LRBA: variants seen among roughly 807,000 people sequenced by gnomAD.
LRBA encodes the protein LPS responsive beige-like anchor protein.
Under a neutral mutation model 330.0 loss-of-function variants are expected in LRBA, and 176 were observed. The observed-to-expected ratio is 0.53, with a 90% CI of 0.47 to 0.60. The LOEUF (loss-of-function observed/expected upper bound fraction) is 0.60. Among genes scored for constraint, LRBA ranks in the 20% least tolerant of loss-of-function variants. The pLI is 0.00. For missense variants in LRBA, 3,259 were observed against 3,444.8 expected (o/e 0.95, Z 1.35); for synonymous variants, 1,230 against 1,193.0 (o/e 1.03, Z -0.64).
intron 37 of LRBA, among the ~76,000 whole-genome samples, chr4:150,655,024 A>G (rs1780052580): frequency 6.6e-6 from 1 of 152,170 alleles, no homozygotes; most frequent in South Asian, 2.1e-4. Flanking sequence ...GTGTCTTTAT[A>G]GCAGCATGAT....
At chr4:150,512,814 C>G (rs1761971186) in intron 40 of LRBA, among the ~76,000 whole-genome samples, 2 of 151,500 alleles carry the variant, frequency 1.3e-5, no homozygotes, top group African/African-American at 4.8e-5. Context: ...TCACCTCCCC[C>G]CAAAAAAGGG....
chr4:150,579,831 C>A, intron 40 of LRBA: 1 of 409,878 alleles, frequency 2.4e-6, no homozygotes, highest in South Asian at 1.7e-5. Flanking sequence ...CTCTCGGGAG[C>A]GTCGCGGGCC....
chr4:150,746,940 C>T (rs1482530302), intron 35 of LRBA, among the ~76,000 whole-genome samples: 2 of 152,148 alleles, frequency 1.3e-5, no homozygotes, highest in African/African-American at 2.4e-5. Flanking sequence ...TATTCTTGCC[C>T]ATTCTTCACT....
chr4:150,957,170 T>C (rs1202617431), intron 2 of LRBA, among the ~76,000 whole-genome samples: 1 of 148,724 alleles, frequency 6.7e-6, no homozygotes, highest in Non-Finnish European at 1.5e-5. Context: ...TAGCTTGTAT[T>C]AGTCTGTTCT....
rs373184598 is a variant in LRBA, at chr4:150,960,276, C to T, written c.217-31211G>A. Among the ~76,000 whole-genome samples, 19 of 148,668 alleles carry T rather than the reference C, an allele frequency of 1.3e-4. 3 individuals carry two copies. Among genetic ancestry groups the T allele is most frequent in the African/African-American group, 4.7e-4 (18 of 38,234 alleles). ...GCCTCCGGATGACAGAACACAGCAC[C>T]ACCTAGAGTCTAGCCAAAGGTATGG... On this transcript the variant is annotated intron_variant, in intron 2 of 56. Transcript: ENST00000651943.
chr4:150,880,939 C>T (rs1369759430), intron 17 of LRBA, among the ~76,000 whole-genome samples: 2 of 152,094 alleles, frequency 1.3e-5, no homozygotes, highest in East Asian at 3.9e-4. Flanking sequence ...TGAAAAAATG[C>T]TTAATTAACA....
At chr4:150,686,418 TAAAAG>T (rs1783634816) in intron 36 of LRBA, among the ~76,000 whole-genome samples, 1 of 152,052 alleles carries the variant, frequency 6.6e-6, no homozygotes. Context: ...TTTGAGCAAA[TAAAAG>T]AAAATGATTA....
At chr4:150,994,399 G>A (rs1334016704) in intron 2 of LRBA, among the ~76,000 whole-genome samples, 1 of 152,114 alleles carries the variant, frequency 6.6e-6, no homozygotes, top group African/African-American at 2.4e-5. Context: ...ATTAAAAGAG[G>A]GAACCTAAAG....
intron 35 of LRBA, among the ~76,000 whole-genome samples, chr4:150,749,788 C>T (rs1384160366): frequency 6.6e-6 from 1 of 151,892 alleles, no homozygotes; most frequent in Non-Finnish European, 1.5e-5. Flanking sequence ...AAAAAAAAAC[C>T]CTGTAAGTTA....
At chr4:150,815,459 C>G (rs1050494419) in intron 31 of LRBA, among the ~76,000 whole-genome samples, 7 of 151,510 alleles carry the variant, frequency 4.6e-5, no homozygotes, top group Admixed American at 1.3e-4. Context: ...CCAGGGGAAA[C>G]CAGCGAGGGA....
At chr4:150,537,377 A>G (rs182174385) in intron 40 of LRBA, among the ~76,000 whole-genome samples, 1 of 152,286 alleles carries the variant, frequency 6.6e-6, no homozygotes, top group Non-Finnish European at 1.5e-5. Flanking sequence ...AAAATCCTAA[A>G]AGAAAACCTA....
chr4:150,683,916 T>C (rs1783280277), intron 36 of LRBA, 199 bp from the exon 37 acceptor site: 1 of 521,882 alleles, frequency 1.9e-6, no homozygotes, highest in Non-Finnish European at 3.4e-6. Flanking sequence ...AAGTCAATCA[T>C]GAGATACACT....
intron 38 of LRBA, chr4:150,597,185 C>T: frequency 2.7e-6 from 2 of 737,268 alleles, no homozygotes; most frequent in Non-Finnish European, 2.2e-6. Flanking sequence ...GTGAAATCTA[C>T]TTCTATACAA....
chr4:150,881,233 C>G (rs1433066281), intron 17 of LRBA, among the ~76,000 whole-genome samples: 2 of 152,170 alleles, frequency 1.3e-5, no homozygotes, highest in African/African-American at 4.8e-5. Flanking sequence ...TATTACAGCA[C>G]TAATCACAAC....
chr4:150,467,807 C>T lies in LRBA; in HGVS notation c.6668-22G>A, dbSNP rs749499203. 2.8e-5 allele frequency: 30 copies of T among 1,069,150 alleles called. No individual in the cohort carries two copies. The South Asian group carries it at 3.2e-4, about 11-fold the overall frequency. 66.2% of individuals were successfully genotyped at this position (1,069,150 alleles called of 1,614,324 possible). A position where few individuals can be genotyped will look rare whatever the true frequency, so the allele number is the denominator to read the frequency against. ...CGTCCTGATAGGGAAAAAAGTTACT[C>T]GTAATTTATAATTTTAAAAGTGAAA... On this transcript the variant is annotated intron_variant, in intron 43 of 56. Transcript: ENST00000651943.
chr4:150,609,287 T>C (rs377422385), intron 37 of LRBA, among the ~76,000 whole-genome samples: 1 of 152,208 alleles, frequency 6.6e-6, no homozygotes, highest in Non-Finnish European at 1.5e-5. Flanking sequence ...TTTTCACCAA[T>C]ATGAAATGGA....
At chr4:150,940,844 G>A (rs2149526406) in intron 2 of LRBA, among the ~76,000 whole-genome samples, 1 of 151,812 alleles carries the variant, frequency 6.6e-6, no homozygotes, top group South Asian at 2.1e-4. Context: ...TCTTTTAAGT[G>A]CCTTTTTTGT....
intron 34 of LRBA, among the ~76,000 whole-genome samples, chr4:150,768,084 G>GT (rs70941439): frequency 1.3e-4 from 15 of 116,378 alleles, no homozygotes; most frequent in South Asian, 1.0e-3. Flanking sequence ...AAAAAAAAAA[G>GT]TTTTTTTTTT....
intron 46 of LRBA, among the ~76,000 whole-genome samples, chr4:150,423,893 T>C (rs1268287946): frequency 6.6e-6 from 1 of 152,180 alleles, no homozygotes; most frequent in East Asian, 1.9e-4. Flanking sequence ...AATATATTTT[T>C]AGGAGAAAAT....
Sources: allele counts gnomAD v4.1 joint callset (sites outside exome capture counted in the v4.1 genomes callset), GRCh38; gene constraint gnomAD v4.1.1; transcripts MANE v1.5; gene names NCBI Gene and HGNC (gene_info 2026-07-23, HGNC 2026-07-21).